Variants in SV2C observed in about 807,000 individuals in gnomAD.
SV2C encodes synaptic vesicle glycoprotein 2C.
In SV2C, 49 loss-of-function variants were observed where a neutral mutation model predicts 79.7. The observed-to-expected ratio is 0.61, with a 90% CI of 0.49 to 0.78. SV2C has a LOEUF of 0.78. Among genes scored for constraint, SV2C ranks in the 30% least tolerant of loss-of-function variants. The probability of loss-of-function intolerance (pLI) is 0.00; values close to 1 mark genes in which losing one functional copy is unlikely to be tolerated. For missense variants in SV2C, 833 were observed against 912.9 expected (o/e 0.91, Z 1.13); for synonymous variants, 334 against 333.2 (o/e 1.00, Z -0.03).
At chr5:76,303,645 A>C (rs766860669) in intron 12 of SV2C, among the ~76,000 whole-genome samples, 31 of 152,150 alleles carry the variant, frequency 2.0e-4, no homozygotes, top group Non-Finnish European at 3.8e-4. Context: ...TGGCTTAAAA[A>C]AAAAAGACCC....
chr5:76,178,150 G>T lies in SV2C; in HGVS notation c.581-16769G>T, dbSNP rs116728765. Among the ~76,000 whole-genome samples the T allele has an allele frequency of 2.1e-4, 32 of 152,268 alleles. 1 individual carries two copies. The South Asian group carries it at 5.2e-3, about 25-fold the overall frequency. On this transcript the variant is annotated intron_variant, in intron 2 of 12. Coordinates refer to ENST00000502798, the MANE Select transcript of SV2C (RefSeq NM_014979.4). ...GGGCCTCAGGGCTCCAAAAGCAAGT[G>T]CTATGGTAGACAAGGTGGAAACTGC...
In SV2C at chr5:76,137,627, G is replaced by A. The variant is rs140932640; in HGVS notation, c.580+5297G>A. Among the ~76,000 whole-genome samples, 207 of 152,150 alleles carry A rather than the reference G, an allele frequency of 1.4e-3. 2 individuals are homozygous for A. Among genetic ancestry groups the A allele is most frequent in the African/African-American group, 4.4e-3 (183 of 41,504 alleles). On this transcript the variant is annotated intron_variant, in intron 2 of 12. Transcript: ENST00000502798. ...TTAGCAAGGGGTTAGAGAGTCTTTC[G>A]GCCCCAAAATAACTAACAGCCAGAA...
chr5:75,965,490 G>T, the SV2C span, among the ~76,000 whole-genome samples: 1 of 152,156 alleles, frequency 6.6e-6, no homozygotes, highest in Non-Finnish European at 1.5e-5. Context: ...GTGACACACA[G>T]TGAAAAGACA....
chr5:76,345,924 C>T (rs1447714445), intron 12 of SV2C, among the ~76,000 whole-genome samples: 1 of 152,122 alleles, frequency 6.6e-6, no homozygotes, highest in Non-Finnish European at 1.5e-5. Flanking sequence ...GTGTAGAAAG[C>T]CCCAAAATAC....
At chr5:76,073,503 GTATATATATA>G in the SV2C span, among the ~76,000 whole-genome samples, 6,392 of 67,450 alleles carry the variant, frequency 0.095, 401 homozygotes, top group East Asian at 0.27. Context: ...GTATGTGTGT[GTATATATATA>G]TATATATATA....
chr5:76,230,305 G>A (rs1745373521), intron 4 of SV2C, among the ~76,000 whole-genome samples: 1 of 146,808 alleles, frequency 6.8e-6, no homozygotes, highest in Admixed American at 6.6e-5. Flanking sequence ...TCATAAAAGG[G>A]ATAATTAACA....
At chr5:76,135,957 A>T (rs1327533243) in intron 2 of SV2C, among the ~76,000 whole-genome samples, 2 of 152,198 alleles carry the variant, frequency 1.3e-5, no homozygotes, top group African/African-American at 4.8e-5. Context: ...CTTGCATCAG[A>T]GGGGCTGGCC....
At chr5:75,878,225 C>A in the SV2C span, among the ~76,000 whole-genome samples, 4 of 152,022 alleles carry the variant, frequency 2.6e-5, no homozygotes, top group Non-Finnish European at 5.9e-5. Context: ...ATCTAAGTTT[C>A]GTAGAGTGTT....
the SV2C span, among the ~76,000 whole-genome samples, chr5:75,918,655 T>C: frequency 5.4e-4 from 82 of 152,322 alleles, no homozygotes; most frequent in Admixed American, 9.8e-4. Flanking sequence ...CATCCACCAC[T>C]CAGACTGTTG....
chr5:76,027,160 C>T, the SV2C span, among the ~76,000 whole-genome samples: 3 of 146,462 alleles, frequency 2.0e-5, no homozygotes, highest in Non-Finnish European at 3.0e-5. Flanking sequence ...CTCCCAGGTT[C>T]GAGTGATTCT....
the SV2C span, among the ~76,000 whole-genome samples, chr5:75,990,480 C>G: frequency 6.6e-6 from 1 of 151,926 alleles, no homozygotes; most frequent in African/African-American, 2.4e-5. Flanking sequence ...GTTAATCTTT[C>G]TTTCATTACA....
At chr5:76,000,963 A>G in the SV2C span, among the ~76,000 whole-genome samples, 1 of 152,062 alleles carries the variant, frequency 6.6e-6, no homozygotes, top group Non-Finnish European at 1.5e-5. Flanking sequence ...AGTTTATGTG[A>G]ACTAGGAAGA....
chr5:75,967,447 C>A, the SV2C span, among the ~76,000 whole-genome samples: 2 of 152,170 alleles, frequency 1.3e-5, no homozygotes, highest in Non-Finnish European at 2.9e-5. Context: ...ATGGACGGCA[C>A]CTGGAAAATC....
intron 3 of SV2C, among the ~76,000 whole-genome samples, chr5:76,207,072 C>A (rs755353688): frequency 9.9e-5 from 15 of 152,066 alleles, no homozygotes; most frequent in Non-Finnish European, 2.2e-4. Flanking sequence ...TGCCTAGAAG[C>A]CCCTACAAGT....
chr5:76,032,035 C>A, the SV2C span, among the ~76,000 whole-genome samples: 1 of 152,150 alleles, frequency 6.6e-6, no homozygotes, highest in African/African-American at 2.4e-5. Flanking sequence ...GAAGACTCTA[C>A]ATATATTTGT....
intron 4 of SV2C, among the ~76,000 whole-genome samples, chr5:76,213,717 T>C (rs1744835694): frequency 6.6e-6 from 1 of 152,204 alleles, no homozygotes; most frequent in Non-Finnish European, 1.5e-5. Context: ...AATTAACATC[T>C]TTCATGTGTG....
the SV2C span, among the ~76,000 whole-genome samples, chr5:75,885,585 C>G: frequency 6.6e-6 from 1 of 152,070 alleles, no homozygotes; most frequent in Non-Finnish European, 1.5e-5. Context: ...TAATAACATT[C>G]TTTTTAAAAA....
intron 4 of SV2C, among the ~76,000 whole-genome samples, chr5:76,214,047 T>G (rs1744845026): frequency 6.6e-6 from 1 of 152,228 alleles, no homozygotes. Context: ...GAAGGATTTC[T>G]TTCTTTTTAA....
intron 1 of SV2C, among the ~76,000 whole-genome samples, chr5:76,104,312 T>C (rs774650101): frequency 6.6e-6 from 1 of 152,208 alleles, no homozygotes; most frequent in Non-Finnish European, 1.5e-5. Context: ...TCAACTTATT[T>C]GATCAGGGAA....
Sources: gnomAD v4.1 joint callset for allele counts (sites outside exome capture counted in the v4.1 genomes callset) on GRCh38, gnomAD v4.1.1 for gene constraint, MANE v1.5 for transcripts, NCBI Gene and HGNC (gene_info 2026-07-23, HGNC 2026-07-21) for gene names.